The following CCDC171 variants were observed in gnomAD, a reference collection of about 807,000 sequenced individuals.
The protein encoded by CCDC171 is coiled-coil domain-containing protein 171.
In CCDC171, 177 loss-of-function variants were observed where a neutral mutation model predicts 168.2. The ratio of observed to expected loss-of-function variants is 1.05; its 90% CI spans 0.93 to 1.19. CCDC171 has a LOEUF of 1.19. Ranked by LOEUF, CCDC171 falls within the 50% of genes most tolerant of loss-of-function variation. The pLI is 0.00. For synonymous variants in CCDC171, 687 were observed against 540.8 expected, an observed-to-expected ratio of 1.27 and a Z score of -3.75; for missense variants, 1,991 against 1,539.0, an observed-to-expected ratio of 1.29 and a Z score of -4.91.
At chr9:16,037,479 T>G (rs367959599) in intron 8 of CCDC171, among the ~76,000 whole-genome samples, 85 of 152,282 alleles carry the variant, frequency 5.6e-4, no homozygotes, top group African/African-American at 1.9e-3. Flanking sequence ...TGGTTTCCCA[T>G]GAGAGAGAAC....
At chr9:16,076,513 T>C in the CCDC171 span, among the ~76,000 whole-genome samples, 1 of 152,182 alleles carries the variant, frequency 6.6e-6, no homozygotes, top group African/African-American at 2.4e-5. Context: ...GCAGTCCAGT[T>C]TGGAGCTGTG....
intron 7 of CCDC171, among the ~76,000 whole-genome samples, chr9:15,641,878 G>C (rs960219703): frequency 2.0e-5 from 3 of 152,176 alleles, no homozygotes; most frequent in African/African-American, 2.4e-5. Context: ...CAGAACTGTT[G>C]TTTGGCTAGG....
rs2040908486 is a variant in CCDC171, at chr9:15,579,030, CTG to C, written c.352+9_352+10del. The C allele has an allele frequency of 6.2e-7, 1 of 1,610,686 alleles. No homozygotes were observed. The highest frequency in any genetic ancestry group is 1.3e-5 in the African/African-American group (1 of 74,734). On this transcript the variant is annotated splice_region_variant and intron_variant, in intron 4 of 25. Coordinates refer to ENST00000380701, the MANE Select transcript of CCDC171 (RefSeq NM_173550.4). ...ATCCAAGAAAAACTCTGTGGTAAGACTGTTTCTATTTCTTCCCAAGTTTAGGG... is the reference window on the plus strand; with the variant it reads ...ATCCAAGAAAAACTCTGTGGTAAGACTTTCTATTTCTTCCCAAGTTTAGGG...
intron 25 of CCDC171, among the ~76,000 whole-genome samples, chr9:15,964,750 G>C (rs571855307): frequency 1.3e-5 from 2 of 152,164 alleles, no homozygotes; most frequent in African/African-American, 4.8e-5. Context: ...AAATGTTCTC[G>C]TGTAATTTAA....
intron 18 of CCDC171, among the ~76,000 whole-genome samples, chr9:15,758,225 G>A (rs1341354498): frequency 6.6e-6 from 1 of 152,186 alleles, no homozygotes; most frequent in Non-Finnish European, 1.5e-5. Context: ...AAGACACAGG[G>A]GTGGAGCTGC....
chr9:15,978,013 T>G (rs1226162122), downstream of CCDC171, among the ~76,000 whole-genome samples: 2 of 131,476 alleles, frequency 1.5e-5, no homozygotes, highest in African/African-American at 9.1e-5. Flanking sequence ...ATACATTTTC[T>G]TTTTCTAAGT....
chr9:15,649,729 C>G (rs1263764115), intron 7 of CCDC171, among the ~76,000 whole-genome samples: 1 of 152,096 alleles, frequency 6.6e-6, no homozygotes, highest in Non-Finnish European at 1.5e-5. Flanking sequence ...GAATGGCAAT[C>G]ATTAAAAAGT....
At position 15,843,150 on chromosome 9, in the gene CCDC171, C is replaced by CA. The variant is rs148139790; in HGVS notation, c.3268-3551dup. On this transcript the variant is annotated intron_variant, in intron 21 of 25. Coordinates refer to ENST00000380701, the MANE Select transcript of CCDC171 (RefSeq NM_173550.4). ...AAAGCATTGGTTTTTTCTTCCTTAA[C>CA]AGAGAAAATGAAGGTAAGCAATGAC... Among the ~76,000 whole-genome samples the CA allele has an allele frequency of 7.9e-3, 1,202 of 151,776 alleles. 12 individuals carry two copies. The highest frequency in any genetic ancestry group is 0.028 in the African/African-American group (1,146 of 41,444).
At chr9:15,668,373 G>A (rs907365790) in intron 9 of CCDC171, among the ~76,000 whole-genome samples, 1 of 152,014 alleles carries the variant, frequency 6.6e-6, no homozygotes, top group African/African-American at 2.4e-5. Context: ...TTGTTTTGCT[G>A]TTATTTGTAT....
At position 15,602,883 on chromosome 9, in the gene CCDC171, C is replaced by G. The variant is rs368242488; in HGVS notation, c.675+8711C>G. ...AGGTTGGCAAGGCTGGTTTCAAACTCCTGACCTCAGGCGATCTGCCTGCCT... is the reference window on the plus strand; with the variant it reads ...AGGTTGGCAAGGCTGGTTTCAAACTGCTGACCTCAGGCGATCTGCCTGCCT... On this transcript the variant is annotated intron_variant, in intron 6 of 25. Transcript: ENST00000380701. Among the ~76,000 whole-genome samples, 393 of 152,142 alleles carry G rather than the reference C, an allele frequency of 2.6e-3. 2 individuals carry two copies. The highest frequency in any genetic ancestry group is 9.0e-3 in the African/African-American group (374 of 41,498).
rs1357099475 is a variant in CCDC171, at chr9:16,019,301, G to C, written n.369-1288G>C. ...GTTCCGCTAGGTTTATGAGTGGTGG[G>C]GATGAATCTGAGTGAGTTGATGGCT... On this transcript the variant is annotated intron_variant and non_coding_transcript_variant, in intron 3 of 9. Transcript: ENST00000486641. Among the ~76,000 whole-genome samples, 3 of 152,124 alleles carry C rather than the reference G, an allele frequency of 2.0e-5. No homozygotes were observed. In the East Asian group the frequency reaches 5.8e-4, roughly 29 times the overall value.
At chr9:15,651,798 T>A (rs150482763) in intron 7 of CCDC171, among the ~76,000 whole-genome samples, 3 of 152,250 alleles carry the variant, frequency 2.0e-5, no homozygotes, top group African/African-American at 7.2e-5. Flanking sequence ...GTGAATAGTG[T>A]TGTAATAAGT....
intron 1 of CCDC171, among the ~76,000 whole-genome samples, chr9:15,563,020 A>T (rs889542414): frequency 6.6e-6 from 1 of 152,114 alleles, no homozygotes; most frequent in Non-Finnish European, 1.5e-5. Context: ...ACGTAAGATA[A>T]CTTATAGTTC....
the CCDC171 span, among the ~76,000 whole-genome samples, chr9:16,101,482 A>G: frequency 1.3e-5 from 2 of 152,218 alleles, no homozygotes; most frequent in East Asian, 1.9e-4. Context: ...ATGTGATGCA[A>G]CATCACTCCT....
At chr9:15,814,798 A>G (rs1342470131) in intron 21 of CCDC171, among the ~76,000 whole-genome samples, 1 of 152,190 alleles carries the variant, frequency 6.6e-6, no homozygotes, top group African/African-American at 2.4e-5. Context: ...AATCTTCATC[A>G]TGCAATTAAT....
At chr9:15,636,855 A>G in intron 7 of CCDC171, among the ~76,000 whole-genome samples, 1 of 152,016 alleles carries the variant, frequency 6.6e-6, no homozygotes. Flanking sequence ...AAACTCTATC[A>G]TCACTAAAAA....
intron 25 of CCDC171, among the ~76,000 whole-genome samples, chr9:15,954,117 A>C (rs1336610345): frequency 6.8e-6 from 1 of 146,204 alleles, no homozygotes; most frequent in Non-Finnish European, 1.5e-5. Flanking sequence ...CAAAGAACCA[A>C]CTTTTGGTTT....
At chr9:15,894,056 G>A (rs941151401) in intron 24 of CCDC171, among the ~76,000 whole-genome samples, 1 of 152,150 alleles carries the variant, frequency 6.6e-6, no homozygotes, top group Non-Finnish European at 1.5e-5. Flanking sequence ...ATTGGATAAA[G>A]AAAATGTGGT....
intron 23 of CCDC171, among the ~76,000 whole-genome samples, chr9:15,865,504 A>G (rs2061740252): frequency 1.3e-5 from 2 of 151,666 alleles, no homozygotes; most frequent in African/African-American, 4.8e-5. Flanking sequence ...AGCAAGACCA[A>G]CCCCTCCTCT....
Sources: allele counts gnomAD v4.1 joint callset (sites outside exome capture counted in the v4.1 genomes callset), GRCh38; gene constraint gnomAD v4.1.1; transcripts MANE v1.5; gene names NCBI Gene and HGNC (gene_info 2026-07-23, HGNC 2026-07-21).